The following MORF4L1 variants were observed in gnomAD, a reference collection of about 807,000 sequenced individuals.
MORF4L1 encodes mortality factor 4 like 1.
MORF4L1 carries 4 observed loss-of-function variants against 52.9 expected under a neutral mutation model. The observed-to-expected ratio is 0.08, with a 90% CI of 0.04 to 0.17. The LOEUF (loss-of-function observed/expected upper bound fraction) is 0.17, where lower values mean the gene tolerates loss of function less well. Among genes scored for constraint, MORF4L1 ranks in the 10% least tolerant of loss-of-function variants. The pLI is 1.00. For missense variants in MORF4L1, 214 were observed against 390.4 expected (o/e 0.55, Z 3.81); for synonymous variants, 123 against 134.8 (o/e 0.91, Z 0.61).
At chr15:78,894,627 T>A in intron 10 of MORF4L1, 193 bp from the exon 11 acceptor site, 1 of 546,876 alleles carries the variant, frequency 1.8e-6, no homozygotes, top group Non-Finnish European at 3.3e-6. Context: ...CAGGGTGGTC[T>A]TGAATACCTG....
intron 11 of MORF4L1, among the ~76,000 whole-genome samples, 176 bp from the exon 12 acceptor site, chr15:78,896,807 A>ATAACCT (rs1252773794): frequency 2.6e-5 from 4 of 152,188 alleles, no homozygotes; most frequent in Non-Finnish European, 2.9e-5. Flanking sequence ...TGTTCATTGT[A>ATAACCT]TAACCTTATT....
At chr15:78,882,947 G>T (rs143962505) in intron 3 of MORF4L1, among the ~76,000 whole-genome samples, 9 of 152,142 alleles carry the variant, frequency 5.9e-5, no homozygotes, top group Non-Finnish European at 1.3e-4. Context: ...GGGTGTAGTG[G>T]CTCATGCCTG....
intron 4 of MORF4L1, among the ~76,000 whole-genome samples, chr15:78,886,954 CAA>C (rs61343587): frequency 3.3e-3 from 397 of 119,002 alleles, no homozygotes; most frequent in South Asian, 0.016. Flanking sequence ...AACTCTGTCT[CAA>C]AAAAAAAAAA....
chr15:78,890,978 TCTCC>T lies in MORF4L1; in HGVS notation c.324-10_324-7del. On this transcript the variant is annotated splice_region_variant and splice_polypyrimidine_tract_variant and intron_variant, in intron 5 of 11. Coordinates refer to ENST00000426013, the MANE Select transcript of MORF4L1 (RefSeq NM_006791.4). Reference sequence around the variant, plus strand: ...GAAATAATTATTTTTCTTTTTTTTCTCTCCTTTTAGGAAAACGAAAAAGAACAAA... The same window carrying T: ...GAAATAATTATTTTTCTTTTTTTTCTTTTTAGGAAAACGAAAAAGAACAAA... The T allele has an allele frequency of 6.9e-7, 1 of 1,450,626 alleles. No individual in the cohort carries two copies. The highest frequency in any genetic ancestry group is 1.4e-5 in the African/African-American group (1 of 70,046). The allele number at this position is 1,450,626 out of a possible 1,614,324, so 89.9% of individuals were successfully genotyped here. A position where few individuals can be genotyped will look rare whatever the true frequency, so the allele number is the denominator to read the frequency against.
In MORF4L1 at chr15:78,886,188, C is replaced by T; in HGVS notation, c.203C>T (p.Thr68Ile). The T allele has an allele frequency of 6.2e-7, 1 of 1,614,006 alleles. No individual in the cohort carries two copies. Among genetic ancestry groups the T allele is most frequent in the South Asian group, 1.1e-5 (1 of 91,078 alleles). ...PESRVLKYVD[T>I]NLQKQRELQK... is the part of the protein sequence containing the mutation. Reference sequence around the variant, plus strand: ...AGCAGAGTACTCAAATACGTGGACACCAATTTGCAGAAACAGCGAGAACTT... The same window carrying T: ...AGCAGAGTACTCAAATACGTGGACATCAATTTGCAGAAACAGCGAGAACTT... The change falls in exon 4 of 12, where the codon ACC becomes ATC. Residue 68 changes from threonine to isoleucine, a missense_variant. Thr to Ile is a moderately conservative substitution (Grantham distance 89). This residue lies in a region of MORF4L1 where 84 missense variants were observed against 116.3 expected (regional missense o/e 0.72). Coordinates refer to ENST00000426013, the MANE Select transcript of MORF4L1 (RefSeq NM_006791.4).
chr15:78,896,524 G>A (rs1285867460), intron 11 of MORF4L1, among the ~76,000 whole-genome samples: 1 of 151,714 alleles, frequency 6.6e-6, no homozygotes, highest in Non-Finnish European at 1.5e-5. Context: ...GGTCAGGCTG[G>A]TCTTGAACCC....
intron 7 of MORF4L1, 146 bp downstream of exon 7, chr15:78,891,718 A>G (rs1221544521): frequency 1.3e-5 from 8 of 614,548 alleles, no homozygotes; most frequent in Non-Finnish European, 2.3e-5. Context: ...GGGGTAAAGG[A>G]TAAATTTCTG....
chr15:78,881,500 TG>T (rs1410853254), intron 3 of MORF4L1, among the ~76,000 whole-genome samples: 13 of 276 alleles, frequency 0.047, no homozygotes, highest in Middle Eastern at 0.5. Context: ...GGCCTTTTTG[TG>T]TGTGTGTGTG....
intron 7 of MORF4L1, among the ~76,000 whole-genome samples, chr15:78,891,997 T>C (rs2056809279): frequency 6.6e-6 from 1 of 152,144 alleles, no homozygotes; most frequent in Non-Finnish European, 1.5e-5. Context: ...TACAAGAAAA[T>C]GCACTAAATA....
chr15:78,897,199 A>T lies in MORF4L1; in HGVS notation c.*132A>T. 1 of 674,842 alleles carries T rather than the reference A, an allele frequency of 1.5e-6. No individual in the cohort carries two copies. The highest frequency in any genetic ancestry group is 2.9e-5 in the East Asian group (1 of 34,068). The allele number at this position is 674,842 out of a possible 1,614,324, so 41.8% of individuals were successfully genotyped here. ...GATGTTTGTTTTCTGTTTGATTTTA[A>T]ACAGAGAAAAAATAAAAGGGGGTAA... On this transcript the variant is annotated 3_prime_UTR_variant, in exon 12 of 12. Coordinates refer to ENST00000426013, the MANE Select transcript of MORF4L1 (RefSeq NM_006791.4).
At chr15:78,880,462 T>A (rs768536344) in intron 2 of MORF4L1, 50 bp from the exon 3 acceptor site, 1 of 1,355,162 alleles carries the variant, frequency 7.4e-7, no homozygotes, top group Non-Finnish European at 1.0e-6. Context: ...GAAAAGGTAG[T>A]GTCTTTAAAA....
At chr15:78,890,793 T>C (rs1021564245) in intron 5 of MORF4L1, 196 bp from the exon 6 acceptor site, 5 of 433,058 alleles carry the variant, frequency 1.2e-5, no homozygotes, top group African/African-American at 4.2e-5. Context: ...GGTTTATTTT[T>C]TTCTATTATG....
At chr15:78,884,312 A>AACCAGCCTGGCCATGGTGGTGAAACTCTG (rs2056656569) in intron 3 of MORF4L1, among the ~76,000 whole-genome samples, 2 of 151,668 alleles carry the variant, frequency 1.3e-5, no homozygotes, top group African/African-American at 4.8e-5. Flanking sequence ...AGGAGTTCAA[A>AACCAGCCTGGCCATGGTGGTGAAACTCTG]ACCAGCCTGG....
At chr15:78,878,118 G>C in intron 1 of MORF4L1, 95 bp from the exon 2 acceptor site, 1 of 1,321,316 alleles carries the variant, frequency 7.6e-7, no homozygotes, top group Non-Finnish European at 1.0e-6. Context: ...AATTTGGCTA[G>C]GAATACCTTA....
chr15:78,896,763 C>T lies in MORF4L1; in HGVS notation c.888-220C>T, dbSNP rs972652758. 2.0e-5 allele frequency among the ~76,000 whole-genome samples: 3 copies of T among 152,164 alleles called. No individual in the cohort carries two copies. The East Asian group carries it at 5.8e-4, about 29-fold the overall frequency. On this transcript the variant is annotated intron_variant, in intron 11 of 11. Coordinates refer to ENST00000426013, the MANE Select transcript of MORF4L1 (RefSeq NM_006791.4). ...TTGCTGTTTAGAAATAGGGGAGTAA[C>T]TCCAGAGTTCATTCCTTTGTATATG...
chr15:78,878,105 C>T, intron 1 of MORF4L1, 108 bp from the exon 2 acceptor site: 1 of 1,125,002 alleles, frequency 8.9e-7, no homozygotes, highest in Admixed American at 2.7e-5. Flanking sequence ...CCTCATTTTT[C>T]CTAATTTGGC....
intron 3 of MORF4L1, among the ~76,000 whole-genome samples, chr15:78,883,247 C>CT (rs1352529429): frequency 1.4e-5 from 2 of 148,118 alleles, no homozygotes; most frequent in Non-Finnish European, 3.0e-5. Context: ...ACATAAAAAA[C>CT]TAAGGGAAAC....
At chr15:78,892,457 T>G (rs114466187) in intron 8 of MORF4L1, 144 bp downstream of exon 8, 31 of 517,118 alleles carry the variant, frequency 6.0e-5, no homozygotes, top group African/African-American at 5.1e-4. Flanking sequence ...GCTGAACACT[T>G]TAGAACTACT....
rs1338433108 is a variant in MORF4L1 at position 78,892,480 on chromosome 15, AAGTT to A, written c.540+170_540+173del. The A allele has an allele frequency of 5.4e-4, 265 of 489,446 alleles. 1 individual carries two copies. Among genetic ancestry groups the A allele is most frequent in the Middle Eastern group, 5.3e-4 (1 of 1,882 alleles). 30.3% of individuals were successfully genotyped at this position (489,446 alleles called of 1,614,324 possible). A position where few individuals can be genotyped will look rare whatever the true frequency, so the allele number is the denominator to read the frequency against. On this transcript the variant is annotated intron_variant, in intron 8 of 11. Transcript: ENST00000426013. ...CTTTAGAACTACTACCAGAAAGAGTAAGTTAGAAGAATAAAAGTTCACATATAAA... is the reference window on the plus strand; with the variant it reads ...CTTTAGAACTACTACCAGAAAGAGTAAGAAGAATAAAAGTTCACATATAAA...
Sources: gnomAD v4.1 joint callset for allele counts (sites outside exome capture counted in the v4.1 genomes callset) on GRCh38, gnomAD v4.1.1 for gene constraint, gnomAD v4.1.1 regional missense constraint, MANE v1.5 for transcripts, NCBI Gene and HGNC (gene_info 2026-07-23, HGNC 2026-07-21) for gene names.